The following PRKCB variants were observed in gnomAD, a reference collection of about 807,000 sequenced individuals.
PRKCB encodes protein kinase C beta type.
A neutral mutation model predicts 81.5 loss-of-function variants in PRKCB; 13 were observed. The observed-to-expected ratio is 0.16, with a 90% CI of 0.10 to 0.25. PRKCB has a LOEUF of 0.25. Among genes scored for constraint, PRKCB ranks in the 10% least tolerant of loss-of-function variants. The probability of loss-of-function intolerance (pLI) is 1.00; values close to 1 mark genes in which losing one functional copy is unlikely to be tolerated. For synonymous variants in PRKCB, 335 were observed against 321.4 expected (o/e 1.04, Z -0.45); for missense variants, 509 against 875.7 (o/e 0.58, Z 5.29).
intron 9 of PRKCB, among the ~76,000 whole-genome samples, chr16:24,138,037 T>C (rs1171247863): frequency 8.5e-5 from 13 of 152,238 alleles, no homozygotes; most frequent in Non-Finnish European, 1.5e-5. Flanking sequence ...AAGTGGGTGC[T>C]GTTATTATCT....
intron 16 of PRKCB, among the ~76,000 whole-genome samples, chr16:24,192,766 G>A (rs1255892946): frequency 6.6e-6 from 1 of 152,176 alleles, no homozygotes; most frequent in Admixed American, 6.5e-5. Flanking sequence ...TAGGAATGAA[G>A]TTCTTGGTCT....
chr16:23,993,942 T>G (rs576878528), intron 3 of PRKCB, among the ~76,000 whole-genome samples: 2 of 152,272 alleles, frequency 1.3e-5, no homozygotes, highest in Admixed American at 6.5e-5. Context: ...ATCATAAAAA[T>G]AGAGAATCAT....
intron 3 of PRKCB, among the ~76,000 whole-genome samples, chr16:24,012,773 T>C (rs1222641584): frequency 6.6e-6 from 1 of 152,250 alleles, no homozygotes; most frequent in Non-Finnish European, 1.5e-5. Flanking sequence ...AGATACAGGA[T>C]ATGATTGTCC....
At position 23,965,930 on chromosome 16, in the gene PRKCB, G is replaced by C. The variant is rs186208391; in HGVS notation, c.206-22578G>C. ...CCCCAGTGTCACTTGAGTCCAAGTAGATCAGCCAAGTTTGAATGATCTCTC... is the reference window on the plus strand; with the variant it reads ...CCCCAGTGTCACTTGAGTCCAAGTACATCAGCCAAGTTTGAATGATCTCTC... On this transcript the variant is annotated intron_variant, in intron 2 of 16. Coordinates refer to ENST00000643927, the MANE Select transcript of PRKCB (RefSeq NM_002738.7). Among the ~76,000 whole-genome samples the C allele has an allele frequency of 3.5e-3, 538 of 152,330 alleles. 2 individuals are homozygous for C. Among genetic ancestry groups the C allele is most frequent in the Non-Finnish European group, 5.8e-3 (395 of 68,032 alleles).
rs143670334 is a variant in PRKCB at position 23,861,498 on chromosome 16, G to A, written c.205+24092G>A. ...GGTTCTTAAAAACAGAATATCTGGC[G>A]AGCCTAACAAGGAGGCTGGTGGTTC... On this transcript the variant is annotated intron_variant, in intron 2 of 16. Transcript: ENST00000643927. Among the ~76,000 whole-genome samples, 61 of 152,196 alleles carry A rather than the reference G, an allele frequency of 4.0e-4. 1 individual carries two copies. The highest frequency in any genetic ancestry group is 1.4e-3 in the Admixed American group (21 of 15,290).
chr16:23,900,042 T>C (rs1963445328), intron 2 of PRKCB, among the ~76,000 whole-genome samples: 1 of 152,156 alleles, frequency 6.6e-6, no homozygotes, highest in African/African-American at 2.4e-5. Flanking sequence ...CAAGTGATTT[T>C]GCCCCCAGGT....
rs545374152 is a variant in PRKCB, at chr16:24,142,549, G to A, written c.1066-12135G>A. The stretch of plus-strand genomic sequence containing the variant: ...CCAGTGAGGGCCAGGCCTGGCACAG[G>A]CAGCCTCCCAATGTTTAGAAGGTTC... On this transcript the variant is annotated intron_variant, in intron 9 of 16. Transcript: ENST00000643927. Among the ~76,000 whole-genome samples, 20 of 152,308 alleles carry A rather than the reference G, an allele frequency of 1.3e-4. No homozygotes were observed. In the South Asian group the frequency reaches 3.7e-3, roughly 28 times the overall value.
chr16:24,137,447 C>T (rs1966869002), intron 9 of PRKCB, among the ~76,000 whole-genome samples: 1 of 152,184 alleles, frequency 6.6e-6, no homozygotes, highest in East Asian at 1.9e-4. Flanking sequence ...CCTCAGCCTC[C>T]CAAAGCAGTG....
At chr16:24,189,918 T>C (rs992191089) in intron 15 of PRKCB, among the ~76,000 whole-genome samples, 1 of 152,164 alleles carries the variant, frequency 6.6e-6, no homozygotes, top group Non-Finnish European at 1.5e-5. Context: ...TTTGGACTTG[T>C]ATGCTTCTTT....
chr16:24,093,998 T>A (rs1246903104), intron 6 of PRKCB, among the ~76,000 whole-genome samples, 165 bp from the exon 7 acceptor site: 1 of 152,194 alleles, frequency 6.6e-6, no homozygotes, highest in East Asian at 1.9e-4. Context: ...CAGAAAAAGC[T>A]CTCACTCCCT....
intron 16 of PRKCB, among the ~76,000 whole-genome samples, chr16:24,213,805 G>T (rs1337272531): frequency 6.6e-6 from 1 of 152,192 alleles, no homozygotes; most frequent in East Asian, 1.9e-4. Flanking sequence ...GCACACATTT[G>T]CAGACATGTA....
rs138044857 is a variant in PRKCB at position 23,864,288 on chromosome 16, G to A, written c.205+26882G>A. On this transcript the variant is annotated intron_variant, in intron 2 of 16. Transcript: ENST00000643927. ...TATTGCTAGAAGTATCCTCACCTTC[G>A]AGATTAAGAAAAGATATTTATTGCC... Among the ~76,000 whole-genome samples, 1,191 of 152,156 alleles carry A rather than the reference G, an allele frequency of 7.8e-3. 9 individuals are homozygous for A. Among genetic ancestry groups the A allele is most frequent in the Non-Finnish European group, 0.013 (866 of 68,020 alleles).
chr16:23,860,222 A>G (rs1295782965), intron 2 of PRKCB, among the ~76,000 whole-genome samples: 1 of 152,150 alleles, frequency 6.6e-6, no homozygotes, highest in Non-Finnish European at 1.5e-5. Context: ...ATGCAGTGGC[A>G]CCCTGGCACT....
intron 12 of PRKCB, among the ~76,000 whole-genome samples, chr16:24,176,895 A>C (rs1480642233): frequency 1.2e-5 from 1 of 86,760 alleles, no homozygotes; most frequent in East Asian, 2.6e-4. Flanking sequence ...ACTCCATTTC[A>C]AAAAAAAAAA....
intron 5 of PRKCB, among the ~76,000 whole-genome samples, chr16:24,058,431 A>C (rs972193184): frequency 1.3e-5 from 2 of 151,918 alleles, no homozygotes; most frequent in African/African-American, 2.4e-5. Context: ...AAAAAAAAAA[A>C]CCAAAAACGG....
At chr16:23,886,230 C>T (rs1963196419) in intron 2 of PRKCB, among the ~76,000 whole-genome samples, 1 of 152,042 alleles carries the variant, frequency 6.6e-6, no homozygotes, top group Non-Finnish European at 1.5e-5. Context: ...CTTTGACTTG[C>T]AGATGGATCA....
chr16:24,160,788 C>T (rs1967242233), intron 10 of PRKCB, among the ~76,000 whole-genome samples: 1 of 152,076 alleles, frequency 6.6e-6, no homozygotes, highest in South Asian at 2.1e-4. Flanking sequence ...CAAGGAAGGT[C>T]TCTCTGATAA....
intron 5 of PRKCB, among the ~76,000 whole-genome samples, chr16:24,059,638 GCCT>G (rs1965946944): frequency 6.6e-6 from 1 of 152,072 alleles, no homozygotes; most frequent in African/African-American, 2.4e-5. Context: ...CTGCACTCCA[GCCT>G]GAGTGACAGA....
intron 9 of PRKCB, among the ~76,000 whole-genome samples, chr16:24,140,400 T>C (rs1454826181): frequency 6.6e-6 from 1 of 152,176 alleles, no homozygotes; most frequent in Non-Finnish European, 1.5e-5. Flanking sequence ...GCTCCCCAGA[T>C]AGAGCCGATT....
Sources: allele counts gnomAD v4.1 joint callset (sites outside exome capture counted in the v4.1 genomes callset), GRCh38; gene constraint gnomAD v4.1.1; transcripts MANE v1.5; gene names NCBI Gene and HGNC (gene_info 2026-07-23, HGNC 2026-07-21).